The following NSMCE2 variants were observed in gnomAD, a reference collection of about 807,000 sequenced individuals.
NSMCE2 encodes the protein NSE2 SUMO ligase component of SMC5/6 complex, also known as E3 SUMO-protein ligase NSE2.
NSMCE2 carries 24 observed loss-of-function variants against 23.8 expected under a neutral mutation model. The observed-to-expected ratio is 1.01, with a 90% CI of 0.73 to 1.42. The LOEUF (loss-of-function observed/expected upper bound fraction) is 1.42, where lower values mean the gene tolerates loss of function less well. Ranked by LOEUF, NSMCE2 falls within the 40% of genes most tolerant of loss-of-function variation. The probability of loss-of-function intolerance (pLI) is 0.00; values close to 1 mark genes in which losing one functional copy is unlikely to be tolerated. For missense variants in NSMCE2, 284 were observed against 296.5 expected (o/e 0.96, Z 0.31); for synonymous variants, 92 against 94.1 (o/e 0.98, Z 0.13).
At chr8:125,365,133 C>T (rs1397164197) in intron 7 of NSMCE2, among the ~76,000 whole-genome samples, 1 of 152,042 alleles carries the variant, frequency 6.6e-6, no homozygotes, top group Non-Finnish European at 1.5e-5. Context: ...CCCACTCAGT[C>T]TCTCTTCTAG....
At chr8:125,254,439 T>C (rs528756785) in intron 5 of NSMCE2, among the ~76,000 whole-genome samples, 5 of 152,220 alleles carry the variant, frequency 3.3e-5, no homozygotes, top group Non-Finnish European at 7.3e-5. Flanking sequence ...TTAACCATGC[T>C]CATTCAGATT....
intron 4 of NSMCE2, among the ~76,000 whole-genome samples, chr8:125,171,813 G>A (rs768518505): frequency 1.6e-4 from 25 of 152,162 alleles, no homozygotes; most frequent in Non-Finnish European, 3.4e-4. Flanking sequence ...TATTCTCTAA[G>A]TCAGCACTTC....
chr8:125,110,759 G>GTTTTTTTTTTT lies in NSMCE2; in HGVS notation c.157+8274_157+8275insTTTTTTTTTTT, dbSNP rs1387354813. ...TTTTGCTTAGATAATTTTGGTTGTT[G>GTTTTTTTTTTT]TTGTTTTTTTTTTTTTTTTTTTTTT... On this transcript the variant is annotated intron_variant, in intron 3 of 7. Coordinates refer to ENST00000287437, the MANE Select transcript of NSMCE2 (RefSeq NM_173685.4). 2.6e-4 allele frequency among the ~76,000 whole-genome samples: 15 copies of GTTTTTTTTTTT among 58,130 alleles called. 1 individual carries two copies. The highest frequency in any genetic ancestry group is 1.1e-3 in the African/African-American group (15 of 13,780). 38.1% of individuals were successfully genotyped at this position (58,130 alleles called of 152,430 possible).
intron 5 of NSMCE2, among the ~76,000 whole-genome samples, chr8:125,184,344 T>G (rs1357051436): frequency 6.6e-6 from 1 of 151,690 alleles, no homozygotes; most frequent in Non-Finnish European, 1.5e-5. Flanking sequence ...ATCATGGCTA[T>G]TACTTCTTAA....
At chr8:125,114,532 A>G (rs1818905166) in intron 3 of NSMCE2, among the ~76,000 whole-genome samples, 1 of 152,216 alleles carries the variant, frequency 6.6e-6, no homozygotes, top group Non-Finnish European at 1.5e-5. Context: ...GTACATATGT[A>G]TATACAGCAG....
At chr8:125,268,319 G>T (rs1314385314) in intron 5 of NSMCE2, among the ~76,000 whole-genome samples, 1 of 152,050 alleles carries the variant, frequency 6.6e-6, no homozygotes, top group Non-Finnish European at 1.5e-5. Flanking sequence ...TGACGTATGT[G>T]GCAAAGGAAA....
At chr8:125,217,881 A>C (rs1824671813) in intron 5 of NSMCE2, among the ~76,000 whole-genome samples, 1 of 138,240 alleles carries the variant, frequency 7.2e-6, no homozygotes, top group African/African-American at 2.9e-5. Context: ...TCTAAATATG[A>C]AAAAAAAAAA....
chr8:125,112,359 T>C (rs1287402192), intron 3 of NSMCE2, among the ~76,000 whole-genome samples: 1 of 152,188 alleles, frequency 6.6e-6, no homozygotes, highest in East Asian at 1.9e-4. Context: ...AAATTAAAAA[T>C]AGAACTACCA....
intron 5 of NSMCE2, among the ~76,000 whole-genome samples, chr8:125,267,077 C>CT (rs1246631597): frequency 6.9e-6 from 1 of 144,534 alleles, no homozygotes; most frequent in Non-Finnish European, 1.5e-5. Flanking sequence ...TGATATTGGC[C>CT]TACTGCAACC....
chr8:125,219,620 G>A (rs1824758889), intron 5 of NSMCE2, among the ~76,000 whole-genome samples: 2 of 152,290 alleles, frequency 1.3e-5, no homozygotes, highest in South Asian at 4.1e-4. Context: ...TTGTTTCAAA[G>A]TCAAATGAAT....
At chr8:125,101,740 G>T (rs1421205239) in intron 1 of NSMCE2, among the ~76,000 whole-genome samples, 21 of 152,180 alleles carry the variant, frequency 1.4e-4, no homozygotes, top group Admixed American at 1.2e-3. Flanking sequence ...TGGATGTGCT[G>T]CCAGAAGACA....
At chr8:125,222,264 T>C (rs1586632953) in intron 5 of NSMCE2, among the ~76,000 whole-genome samples, 1 of 152,126 alleles carries the variant, frequency 6.6e-6, no homozygotes, top group Non-Finnish European at 1.5e-5. Flanking sequence ...ATAATAATTA[T>C]ATATATTTAT....
intron 3 of NSMCE2, among the ~76,000 whole-genome samples, chr8:125,121,715 T>G (rs188646186): frequency 6.6e-6 from 1 of 152,270 alleles, no homozygotes; most frequent in East Asian, 1.9e-4. Flanking sequence ...TTGTGATGCT[T>G]TTTGTGTACC....
intron 5 of NSMCE2, among the ~76,000 whole-genome samples, chr8:125,257,665 C>T (rs941726479): frequency 9.2e-5 from 14 of 151,602 alleles, no homozygotes; most frequent in Admixed American, 7.9e-4. Context: ...TCCCGAGTAG[C>T]TGGGACTACA....
At chr8:125,113,227 C>T (rs537279805) in intron 3 of NSMCE2, among the ~76,000 whole-genome samples, 1 of 152,190 alleles carries the variant, frequency 6.6e-6, no homozygotes, top group South Asian at 2.1e-4. Context: ...GTGGCTCACA[C>T]CTGTAATCCC....
intron 5 of NSMCE2, among the ~76,000 whole-genome samples, chr8:125,198,216 A>C (rs929858421): frequency 2.6e-5 from 4 of 152,166 alleles, no homozygotes; most frequent in Non-Finnish European, 4.4e-5. Context: ...CAGAACTTCC[A>C]ACACTATGTT....
At chr8:125,306,259 G>A (rs909394429) in intron 5 of NSMCE2, among the ~76,000 whole-genome samples, 4 of 152,042 alleles carry the variant, frequency 2.6e-5, no homozygotes, top group African/African-American at 9.7e-5. Context: ...GAGCCCAGGA[G>A]GTTGAGGCTG....
intron 5 of NSMCE2, among the ~76,000 whole-genome samples, chr8:125,202,655 A>C (rs970680572): frequency 1.8e-4 from 27 of 152,336 alleles, no homozygotes; most frequent in African/African-American, 6.0e-4. Context: ...TATACTCCCC[A>C]AATATTAGTT....
At chr8:125,356,242 G>GC (rs925931736) in intron 5 of NSMCE2, among the ~76,000 whole-genome samples, 27 of 151,794 alleles carry the variant, frequency 1.8e-4, no homozygotes, top group Admixed American at 9.2e-4. Context: ...GTATGGGGGG[G>GC]GGTGTTCTGG....
Sources: gnomAD v4.1 joint callset for allele counts (sites outside exome capture counted in the v4.1 genomes callset) on GRCh38, gnomAD v4.1.1 for gene constraint, MANE v1.5 for transcripts, NCBI Gene and HGNC (gene_info 2026-07-23, HGNC 2026-07-21) for gene names.